COL28A1: variants seen among roughly 807,000 people sequenced by gnomAD.
The protein encoded by COL28A1 is collagen type XXVIII alpha 1 chain, also known as collagen alpha-1(XXVIII) chain.
A neutral mutation model predicts 150.2 loss-of-function variants in COL28A1; 161 were observed. The observed-to-expected ratio is 1.07, with a 90% CI of 0.94 to 1.22. The LOEUF (loss-of-function observed/expected upper bound fraction) is 1.22, where lower values mean the gene tolerates loss of function less well. Ranked by LOEUF, COL28A1 falls within the 50% of genes most tolerant of loss-of-function variation. The pLI is 0.00. For synonymous variants in COL28A1, 552 were observed against 469.7 expected (o/e 1.18, Z -2.26); for missense variants, 1,617 against 1,388.3 (o/e 1.16, Z -2.62).
rs62450179 is a variant in COL28A1, at chr7:7,532,735, A to T, written c.124+17T>A. 6.3e-7 allele frequency: 1 copy of T among 1,583,622 alleles called. No homozygotes were observed. The highest frequency in any genetic ancestry group is 1.2e-5 in the South Asian group (1 of 85,878). ...TAACAGGCTAAACTTAAAAACAAAC[A>T]ATTTTTTTTTTTTTACCCTGGACAT... is the stretch of plus-strand genomic sequence containing the variant. On this transcript the variant is annotated intron_variant, in intron 2 of 34. Coordinates refer to ENST00000399429, the MANE Select transcript of COL28A1 (RefSeq NM_001037763.3).
intron 30 of COL28A1, among the ~76,000 whole-genome samples, chr7:7,378,896 A>C (rs373860142): frequency 1.4e-4 from 22 of 152,314 alleles, no homozygotes; most frequent in African/African-American, 4.8e-4. Flanking sequence ...CCTACACTGC[A>C]TGGGGGTTTG....
At chr7:7,364,107 C>G (rs1780810884) in intron 33 of COL28A1, among the ~76,000 whole-genome samples, 1 of 152,140 alleles carries the variant, frequency 6.6e-6, no homozygotes, top group Non-Finnish European at 1.5e-5. Context: ...TCTCCAATAA[C>G]CCAGTCAGTA....
intron 32 of COL28A1, among the ~76,000 whole-genome samples, chr7:7,371,799 C>T (rs180699079): frequency 6.6e-6 from 1 of 152,280 alleles, no homozygotes; most frequent in Non-Finnish European, 1.5e-5. Context: ...AGAAGCCCAT[C>T]AGATTAGCAC....
At chr7:7,459,433 TAA>T (rs1180440225) in intron 15 of COL28A1, among the ~76,000 whole-genome samples, 12 of 152,304 alleles carry the variant, frequency 7.9e-5, no homozygotes, top group African/African-American at 2.6e-4. Flanking sequence ...CAAATAAAAA[TAA>T]GTCATTCAAG....
At chr7:7,365,016 T>TA (rs2128280251) in intron 33 of COL28A1, among the ~76,000 whole-genome samples, 1 of 152,044 alleles carries the variant, frequency 6.6e-6, no homozygotes, top group Admixed American at 6.5e-5. Flanking sequence ...ATTTTTCAAA[T>TA]AAAAAAAATT....
downstream of COL28A1, among the ~76,000 whole-genome samples, chr7:7,352,363 C>A (rs923562718): frequency 1.5e-4 from 23 of 152,134 alleles, no homozygotes; most frequent in Non-Finnish European, 5.9e-5. Context: ...ATGTCTGCTC[C>A]CCAATCTCTC....
intron 30 of COL28A1, among the ~76,000 whole-genome samples, chr7:7,376,619 T>G (rs1040616834): frequency 6.6e-6 from 1 of 152,024 alleles, no homozygotes; most frequent in African/African-American, 2.4e-5. Context: ...AACAAGAACA[T>G]GTACAGAAAG....
intron 27 of COL28A1, among the ~76,000 whole-genome samples, chr7:7,396,540 C>A (rs541798021): frequency 6.6e-6 from 1 of 152,310 alleles, no homozygotes; most frequent in East Asian, 1.9e-4. Context: ...ATCCCTCTAA[C>A]TTAATGTCCC....
intron 31 of COL28A1, among the ~76,000 whole-genome samples, chr7:7,374,038 A>AAATAT: frequency 1.9e-4 from 22 of 113,624 alleles, no homozygotes; most frequent in Admixed American, 1.5e-3. Flanking sequence ...AAAAAAAAAA[A>AAATAT]ATATATATAT....
chr7:7,538,334 C>G (rs1320696741), upstream of COL28A1, among the ~76,000 whole-genome samples: 1 of 152,114 alleles, frequency 6.6e-6, no homozygotes, highest in Non-Finnish European at 1.5e-5. Flanking sequence ...AGCCCATGCC[C>G]TTCTGACAGT....
intron 32 of COL28A1, 67 bp downstream of exon 32, chr7:7,372,931 A>G (rs1246551387): frequency 5.8e-6 from 8 of 1,390,168 alleles, no homozygotes; most frequent in Non-Finnish European, 7.9e-6. Context: ...GTCAGGACAA[A>G]CCAGTGATAT....
chr7:7,360,267 C>T, intron 34 of COL28A1, 123 bp downstream of exon 34: 1 of 921,946 alleles, frequency 1.1e-6, no homozygotes, highest in South Asian at 2.7e-5. Context: ...CTCTGGGTAA[C>T]CCTGTGCCTT....
At chr7:7,417,108 G>A (rs150941954) in intron 27 of COL28A1, among the ~76,000 whole-genome samples, 2,552 of 152,168 alleles carry the variant, frequency 0.017, 43 homozygotes, top group Non-Finnish European at 0.022. Flanking sequence ...CAACATATTA[G>A]AAGCAGAAGA....
At chr7:7,389,134 T>C (rs560797026) in intron 27 of COL28A1, among the ~76,000 whole-genome samples, 110 of 152,206 alleles carry the variant, frequency 7.2e-4, no homozygotes, top group Non-Finnish European at 1.5e-3. Context: ...AGGTTTTAGG[T>C]CTTACTTAAG....
intron 2 of COL28A1, 25 bp downstream of exon 2, chr7:7,532,727 A>G (rs1248128091): frequency 6.3e-7 from 1 of 1,587,188 alleles, no homozygotes; most frequent in Non-Finnish European, 8.5e-7. Flanking sequence ...CTAAACTTAA[A>G]AACAAACAAT....
chr7:7,521,745 C>G (rs1781736215), intron 5 of COL28A1, among the ~76,000 whole-genome samples, 160 bp downstream of exon 5: 1 of 152,196 alleles, frequency 6.6e-6, no homozygotes, highest in African/African-American at 2.4e-5. Flanking sequence ...TAGAATGTGT[C>G]CCTTTAGAAA....
intron 15 of COL28A1, among the ~76,000 whole-genome samples, chr7:7,466,445 A>G (rs1259920866): frequency 2.5e-5 from 3 of 120,846 alleles, no homozygotes; most frequent in Non-Finnish European, 5.1e-5. Flanking sequence ...TCCAAGAAAT[A>G]TGGGACTATG....
rs1214917879 is a variant in COL28A1, at chr7:7,477,191, T to C, written c.1165-11A>G. ...AGGACCACGGGGACCCTGGTTAGGA[T>C]AGGAGAAAATGAGGAGCAGGAGGAG... On this transcript the variant is annotated splice_polypyrimidine_tract_variant and intron_variant, in intron 13 of 34. Transcript: ENST00000399429. 4.8e-6 allele frequency: 5 copies of C among 1,045,420 alleles called. No individual in the cohort carries two copies. In the African/African-American group the frequency reaches 6.2e-5, roughly 13 times the overall value. 64.8% of individuals were successfully genotyped at this position (1,045,420 alleles called of 1,614,324 possible). A position where few individuals can be genotyped will look rare whatever the true frequency, so the allele number is the denominator to read the frequency against.
rs1780781778 is a variant in COL28A1, at chr7:7,505,898, A to G, written c.1026+116T>C. 9 of 724,066 alleles carry G rather than the reference A, an allele frequency of 1.2e-5. No homozygotes were observed. In the South Asian group the frequency reaches 1.3e-4, roughly 10 times the overall value. The allele number at this position is 724,066 out of a possible 1,614,324, so 44.9% of individuals were successfully genotyped here. A position where few individuals can be genotyped will look rare whatever the true frequency, so the allele number is the denominator to read the frequency against. The stretch of plus-strand genomic sequence containing the variant: ...TGTATACATCTGCAGGTTATTATGC[A>G]TTTCCAAAGGTACTTCCTCAAAGAA... On this transcript the variant is annotated intron_variant, in intron 11 of 34. Coordinates refer to ENST00000399429, the MANE Select transcript of COL28A1 (RefSeq NM_001037763.3).
Sources: gnomAD v4.1 joint callset for allele counts (sites outside exome capture counted in the v4.1 genomes callset) on GRCh38, gnomAD v4.1.1 for gene constraint, MANE v1.5 for transcripts, NCBI Gene and HGNC (gene_info 2026-07-23, HGNC 2026-07-21) for gene names.